The following IL10RB variants were observed in gnomAD, a reference collection of about 807,000 sequenced individuals.
The protein encoded by IL10RB is interleukin 10 receptor subunit beta.
IL10RB carries 30 observed loss-of-function variants against 38.7 expected under a neutral mutation model. The observed-to-expected ratio is 0.78, with a 90% CI of 0.58 to 1.05. The LOEUF (loss-of-function observed/expected upper bound fraction) is 1.05, where lower values mean the gene tolerates loss of function less well. Ranked by LOEUF, IL10RB falls within the 50% of genes least tolerant of loss-of-function variation. The pLI is 0.00. For missense variants in IL10RB, 328 were observed against 397.1 expected, an observed-to-expected ratio of 0.83 and a Z score of 1.48; for synonymous variants, 142 against 145.9, an observed-to-expected ratio of 0.97 and a Z score of 0.19.
chr21:33,294,857 A>C (rs1309975425), intron 6 of IL10RB, among the ~76,000 whole-genome samples: 1 of 152,198 alleles, frequency 6.6e-6, no homozygotes, highest in Non-Finnish European at 1.5e-5. Context: ...ACCAGCAGAG[A>C]TTTCAGGAAA....
At chr21:33,282,147 G>A (rs560987559) in intron 4 of IL10RB, among the ~76,000 whole-genome samples, 35 of 151,902 alleles carry the variant, frequency 2.3e-4, no homozygotes, top group Non-Finnish European at 4.6e-4. Context: ...TATTCCATAA[G>A]TCTAATCCAA....
chr21:33,288,022 G>C, intron 5 of IL10RB, 82 bp from the exon 6 acceptor site: 1 of 1,309,262 alleles, frequency 7.6e-7, no homozygotes, highest in Non-Finnish European at 1.1e-6. Flanking sequence ...CTGTTTTCAG[G>C]GATTGTGATG....
downstream of IL10RB, among the ~76,000 whole-genome samples, chr21:33,301,942 C>G (rs1026549253): frequency 2.6e-5 from 4 of 152,212 alleles, no homozygotes; most frequent in Non-Finnish European, 5.9e-5. Context: ...TGAGTAATCC[C>G]TTCCTCTTGA....
At chr21:33,268,315 C>T (rs988689785) in intron 1 of IL10RB, 79 bp from the exon 2 acceptor site, 1 of 1,604,336 alleles carries the variant, frequency 6.2e-7, no homozygotes, top group Non-Finnish European at 8.5e-7. Flanking sequence ...AGAGGAGAAC[C>T]AAGTGCTGGA....
At chr21:33,290,337 G>T (rs891435566) in intron 6 of IL10RB, among the ~76,000 whole-genome samples, 2 of 151,878 alleles carry the variant, frequency 1.3e-5, no homozygotes, top group Non-Finnish European at 2.9e-5. Context: ...AGGTTCTGTT[G>T]GCAAGAAATA....
rs558803251 is a variant in IL10RB, at chr21:33,288,372, C to T, written c.804+111C>T. On this transcript the variant is annotated intron_variant, in intron 6 of 6. Coordinates refer to ENST00000290200, the MANE Select transcript of IL10RB (RefSeq NM_000628.5). ...AACATGTTTTCCAGGAAAACACACA[C>T]GCGCGCGCGCACACACACACACACA... The T allele has an allele frequency of 1.2e-4, 31 of 260,896 alleles. No homozygotes were observed. The African/African-American group carries it at 2.3e-3, about 20-fold the overall frequency. The allele number at this position is 260,896 out of a possible 1,614,324, so 16.2% of individuals were successfully genotyped here. A position where few individuals can be genotyped will look rare whatever the true frequency, so the allele number is the denominator to read the frequency against.
Position 33,296,452 on chromosome 21 carries a change from A to C in IL10RB, c.*95A>C, listed in dbSNP as rs748094856. On this transcript the variant is annotated 3_prime_UTR_variant, in exon 7 of 7. Transcript: ENST00000290200. ...ATCAGGGCAGCAAACAAGGGCCAAG[A>C]CCATCTGAGCCAGCCCCACATCTAG... 1 of 1,203,812 alleles carries C rather than the reference A, an allele frequency of 8.3e-7. No homozygotes were observed. The highest frequency in any genetic ancestry group is 1.2e-6 in the Non-Finnish European group (1 of 833,934). 74.6% of individuals were successfully genotyped at this position (1,203,812 alleles called of 1,614,324 possible). A position where few individuals can be genotyped will look rare whatever the true frequency, so the allele number is the denominator to read the frequency against.
intron 2 of IL10RB, among the ~76,000 whole-genome samples, chr21:33,275,612 C>T (rs1989156779): frequency 6.6e-6 from 1 of 152,182 alleles, no homozygotes; most frequent in East Asian, 1.9e-4. Flanking sequence ...TTCAATAAGG[C>T]TGTTTTACTT....
intron 6 of IL10RB, among the ~76,000 whole-genome samples, chr21:33,292,552 G>C (rs144184454): frequency 3.9e-5 from 6 of 152,186 alleles, no homozygotes; most frequent in African/African-American, 1.4e-4. Flanking sequence ...TGGGTCTCAG[G>C]CCTCATGATG....
At chr21:33,308,537 A>C (rs1422284811) in intron 1 of IL10RB, 2 of 152,244 alleles carry the variant, frequency 1.3e-5, no homozygotes, top group Non-Finnish European at 2.9e-5. Context: ...GAAAATTCTA[A>C]ATGTCCTACC....
intron 3 of IL10RB, among the ~76,000 whole-genome samples, chr21:33,278,756 T>C (rs1179812232): frequency 1.3e-5 from 2 of 152,254 alleles, no homozygotes; most frequent in African/African-American, 4.8e-5. Context: ...CCAGGCATCA[T>C]GCATAACCTA....
chr21:33,307,920 C>G (rs534301106), intron 1 of IL10RB, among the ~76,000 whole-genome samples: 4 of 152,244 alleles, frequency 2.6e-5, no homozygotes, highest in Admixed American at 2.6e-4. Flanking sequence ...TCCTGGATCC[C>G]CAGCCCTTAG....
Position 33,268,376 on chromosome 21 carries a change from TTTGTC to T in IL10RB, c.50-15_50-11del, listed in dbSNP as rs1461021244. ...TTTGAGGAGAAAAGTTGTAAATGTTTTTGTCTTATTTTCATAGCATTGGGAATGGT... is the reference window on the plus strand; with the variant it reads ...TTTGAGGAGAAAAGTTGTAAATGTTTTTATTTTCATAGCATTGGGAATGGT... On this transcript the variant is annotated splice_polypyrimidine_tract_variant and intron_variant, in intron 1 of 6. Transcript: ENST00000290200. 6.2e-7 allele frequency: 1 copy of T among 1,614,154 alleles called. No homozygotes were observed. The highest frequency in any genetic ancestry group is 8.5e-7 in the Non-Finnish European group (1 of 1,179,990).
At chr21:33,292,329 G>T (rs750795054) in intron 6 of IL10RB, among the ~76,000 whole-genome samples, 6 of 152,194 alleles carry the variant, frequency 3.9e-5, no homozygotes, top group Non-Finnish European at 8.8e-5. Flanking sequence ...GCAGCAGCGG[G>T]CCACTTTCGG....
intron 2 of IL10RB, among the ~76,000 whole-genome samples, chr21:33,274,399 C>T (rs982208567): frequency 6.6e-6 from 1 of 152,044 alleles, no homozygotes; most frequent in African/African-American, 2.4e-5. Flanking sequence ...GTCTCGAACT[C>T]CTGACCTCAA....
chr21:33,304,445 G>A (rs1401123164), intron 1 of IL10RB, among the ~76,000 whole-genome samples: 3 of 152,184 alleles, frequency 2.0e-5, no homozygotes, highest in Admixed American at 6.5e-5. Context: ...CTGGATTACC[G>A]CTGATCCAGC....
chr21:33,285,984 C>G (rs1192855303), intron 5 of IL10RB, among the ~76,000 whole-genome samples: 1 of 152,114 alleles, frequency 6.6e-6, no homozygotes, highest in Non-Finnish European at 1.5e-5. Flanking sequence ...GTGCATGAAA[C>G]AAACAAGAAC....
downstream of IL10RB, among the ~76,000 whole-genome samples, chr21:33,300,805 C>T (rs564349861): frequency 8.5e-5 from 13 of 152,294 alleles, no homozygotes; most frequent in African/African-American, 3.1e-4. Flanking sequence ...ATGCCGTTCT[C>T]AGAGGTGTTT....
intron 5 of IL10RB, among the ~76,000 whole-genome samples, chr21:33,285,126 A>G (rs1989350178): frequency 6.6e-6 from 1 of 152,088 alleles, no homozygotes; most frequent in Non-Finnish European, 1.5e-5. Context: ...CCTGACCTCA[A>G]GTGATCCACC....
Sources: gnomAD v4.1 joint callset for allele counts (sites outside exome capture counted in the v4.1 genomes callset) on GRCh38, gnomAD v4.1.1 for gene constraint, MANE v1.5 for transcripts, NCBI Gene and HGNC (gene_info 2026-07-23, HGNC 2026-07-21) for gene names.